The following SH3GL2 variants were observed in gnomAD, a reference collection of about 807,000 sequenced individuals.
SH3GL2 encodes the protein endophilin-A1.
A neutral mutation model predicts 46.0 loss-of-function variants in SH3GL2; 24 were observed. The ratio of observed to expected loss-of-function variants is 0.52; its 90% CI spans 0.38 to 0.73. The LOEUF (loss-of-function observed/expected upper bound fraction) is 0.73. Ranked by LOEUF, SH3GL2 falls within the 30% of genes least tolerant of loss-of-function variation. The pLI, the probability that SH3GL2 is intolerant of heterozygous loss-of-function variation, is 0.00. For missense variants in SH3GL2, 413 were observed against 424.2 expected, an observed-to-expected ratio of 0.97 and a Z score of 0.23; for synonymous variants, 196 against 147.1, an observed-to-expected ratio of 1.33 and a Z score of -2.40.
chr9:17,579,729 G>T (rs369495323), intron 1 of SH3GL2, among the ~76,000 whole-genome samples: 2 of 152,164 alleles, frequency 1.3e-5, no homozygotes, highest in Non-Finnish European at 2.9e-5. Context: ...GGCCGCACTG[G>T]GGGTGGCGGG....
intron 2 of SH3GL2, chr9:17,755,836 A>G (rs1249930031): frequency 1.1e-6 from 1 of 921,516 alleles, no homozygotes; most frequent in Non-Finnish European, 1.3e-6. Context: ...GAAGAAAGGT[A>G]ATATTCCCAT....
At chr9:17,688,375 G>A (rs1820981364) in intron 1 of SH3GL2, among the ~76,000 whole-genome samples, 4 of 152,082 alleles carry the variant, frequency 2.6e-5, no homozygotes, top group Non-Finnish European at 2.9e-5. Flanking sequence ...TGGGTGAAAG[G>A]AGAATATTAG....
chr9:17,682,826 CA>C (rs1484570868), intron 1 of SH3GL2, among the ~76,000 whole-genome samples: 2 of 151,994 alleles, frequency 1.3e-5, no homozygotes, highest in African/African-American at 4.8e-5. Context: ...TCATAGTTTG[CA>C]AGTTAACATG....
chr9:17,632,000 A>G (rs1389294577), intron 1 of SH3GL2, among the ~76,000 whole-genome samples: 2 of 152,152 alleles, frequency 1.3e-5, no homozygotes, highest in East Asian at 3.9e-4. Flanking sequence ...TTTAGGGTTC[A>G]GTATCTGCTT....
At chr9:17,675,746 A>G (rs1182796182) in intron 1 of SH3GL2, among the ~76,000 whole-genome samples, 1 of 152,176 alleles carries the variant, frequency 6.6e-6, no homozygotes, top group African/African-American at 2.4e-5. Flanking sequence ...GGAGATTGAG[A>G]CCATCCTGGC....
At chr9:17,748,875 G>T (rs558975780) in intron 2 of SH3GL2, among the ~76,000 whole-genome samples, 5 of 152,218 alleles carry the variant, frequency 3.3e-5, no homozygotes, top group Non-Finnish European at 4.4e-5. Context: ...AGTTAGCAGA[G>T]CCTGGTAAAG....
intron 1 of SH3GL2, among the ~76,000 whole-genome samples, chr9:17,684,870 T>C (rs923288800): frequency 5.3e-5 from 8 of 152,236 alleles, no homozygotes; most frequent in African/African-American, 1.9e-4. Context: ...ATAAGTGATC[T>C]TATTACTCTT....
intron 2 of SH3GL2, 25 bp downstream of exon 2, chr9:17,747,159 T>C (rs755257992): frequency 2.0e-6 from 3 of 1,487,978 alleles, no homozygotes; most frequent in Non-Finnish European, 2.8e-6. Flanking sequence ...CTGCCTAGTG[T>C]TCCCTTTGAC....
chr9:17,730,102 G>T (rs938044540), intron 1 of SH3GL2, among the ~76,000 whole-genome samples: 2 of 152,034 alleles, frequency 1.3e-5, no homozygotes, highest in Non-Finnish European at 2.9e-5. Context: ...AGCATGGAAT[G>T]TTTTCCCATT....
At chr9:17,694,675 A>G (rs2118155839) in intron 1 of SH3GL2, among the ~76,000 whole-genome samples, 1 of 152,284 alleles carries the variant, frequency 6.6e-6, no homozygotes, top group Admixed American at 6.5e-5. Context: ...GTTGGAAATG[A>G]ACATATTCAC....
chr9:17,664,781 A>G (rs1007382666), intron 1 of SH3GL2, among the ~76,000 whole-genome samples: 12 of 151,886 alleles, frequency 7.9e-5, no homozygotes, highest in African/African-American at 2.2e-4. Flanking sequence ...ACTTTCATGT[A>G]TAATCTTTCT....
At chr9:17,583,349 A>T (rs1247492530) in intron 1 of SH3GL2, among the ~76,000 whole-genome samples, 1 of 152,190 alleles carries the variant, frequency 6.6e-6, no homozygotes, top group African/African-American at 2.4e-5. Flanking sequence ...TTAGGAGGTG[A>T]CTAAGTCATG....
chr9:17,747,683 T>C (rs1563837742), intron 2 of SH3GL2, among the ~76,000 whole-genome samples: 1 of 152,116 alleles, frequency 6.6e-6, no homozygotes, highest in Non-Finnish European at 1.5e-5. Flanking sequence ...ATTATTGTTA[T>C]TATTTTTTTG....
chr9:17,682,129 A>G (rs1257461602), intron 1 of SH3GL2, among the ~76,000 whole-genome samples: 1 of 152,192 alleles, frequency 6.6e-6, no homozygotes, highest in Non-Finnish European at 1.5e-5. Flanking sequence ...AAATTAGTTC[A>G]ACCATTTTGG....
At chr9:17,787,184 T>C (rs905231015) in intron 4 of SH3GL2, among the ~76,000 whole-genome samples, 196 bp from the exon 5 acceptor site, 1 of 152,190 alleles carries the variant, frequency 6.6e-6, no homozygotes, top group Non-Finnish European at 1.5e-5. Context: ...TGTTCCATTC[T>C]TGATGAGAGG....
At chr9:17,644,504 C>T (rs1393657076) in intron 1 of SH3GL2, among the ~76,000 whole-genome samples, 1 of 152,108 alleles carries the variant, frequency 6.6e-6, no homozygotes, top group East Asian at 1.9e-4. Flanking sequence ...TTGGCTGTGT[C>T]CCAGAGATTC....
At chr9:17,733,497 T>C (rs1305283114) in intron 1 of SH3GL2, among the ~76,000 whole-genome samples, 1 of 151,312 alleles carries the variant, frequency 6.6e-6, no homozygotes, top group Non-Finnish European at 1.5e-5. Flanking sequence ...TGTGGAGAAA[T>C]AGGAACACTT....
intron 1 of SH3GL2, among the ~76,000 whole-genome samples, chr9:17,674,916 C>A (rs1311591778): frequency 6.6e-6 from 1 of 152,044 alleles, no homozygotes; most frequent in East Asian, 1.9e-4. Context: ...TTGGCCAGTG[C>A]AAGTGACCAG....
chr9:17,588,100 A>G (rs1199134364), intron 1 of SH3GL2, among the ~76,000 whole-genome samples: 1 of 152,158 alleles, frequency 6.6e-6, no homozygotes, highest in Admixed American at 6.6e-5. Context: ...TTTGTTGCTC[A>G]AAGTCTTTTT....
Sources: allele counts gnomAD v4.1 joint callset (sites outside exome capture counted in the v4.1 genomes callset), GRCh38; gene constraint gnomAD v4.1.1; transcripts MANE v1.5; gene names NCBI Gene and HGNC (gene_info 2026-07-23, HGNC 2026-07-21).